The following PPP2R1B variants were observed in gnomAD, a reference collection of about 807,000 sequenced individuals.
PPP2R1B encodes serine/threonine-protein phosphatase 2A 65 kDa regulatory subunit A beta isoform.
In PPP2R1B, 58 loss-of-function variants were observed where a neutral mutation model predicts 72.7. The ratio of observed to expected loss-of-function variants is 0.80; its 90% CI spans 0.65 to 0.99. The LOEUF is 0.99. Among genes scored for constraint, PPP2R1B ranks in the 50% least tolerant of loss-of-function variants. The probability of loss-of-function intolerance (pLI) is 0.00; values close to 1 mark genes in which losing one functional copy is unlikely to be tolerated. For synonymous variants in PPP2R1B, 256 were observed against 264.6 expected (o/e 0.97, Z 0.32); for missense variants, 695 against 733.6 (o/e 0.95, Z 0.61).
the PPP2R1B span, chr11:111,721,896 C>A: frequency 6.2e-7 from 1 of 1,612,006 alleles, no homozygotes; most frequent in Non-Finnish European, 8.5e-7. Context: ...CCAGCTGTCC[C>A]CACGGCAGAG....
chr11:111,747,434 C>T (rs555880831), intron 11 of PPP2R1B, among the ~76,000 whole-genome samples: 1 of 152,348 alleles, frequency 6.6e-6, no homozygotes, highest in East Asian at 1.9e-4. Context: ...GCCTTCCTTT[C>T]ACCCAAACCA....
chr11:111,762,978 C>T (rs1852099787), intron 3 of PPP2R1B, among the ~76,000 whole-genome samples: 1 of 152,158 alleles, frequency 6.6e-6, no homozygotes, highest in African/African-American at 2.4e-5. Flanking sequence ...ACTCTAGTGG[C>T]ATTTACATTC....
At chr11:111,719,394 T>TA in the PPP2R1B span, among the ~76,000 whole-genome samples, 5,946 of 112,486 alleles carry the variant, frequency 0.053, 225 homozygotes, top group Non-Finnish European at 0.077. Context: ...GCCAAGTAGT[T>TA]AAAAAAAAAA....
At chr11:111,719,180 C>A in the PPP2R1B span, among the ~76,000 whole-genome samples, 2 of 152,140 alleles carry the variant, frequency 1.3e-5, no homozygotes, top group Admixed American at 6.5e-5. Flanking sequence ...TTTTTCAATC[C>A]TTTTTGTGGT....
the PPP2R1B span, among the ~76,000 whole-genome samples, chr11:111,695,455 T>C: frequency 6.6e-6 from 1 of 152,234 alleles, no homozygotes; most frequent in Non-Finnish European, 1.5e-5. Context: ...ACGATTTTCT[T>C]ATTTAATCTC....
At chr11:111,688,307 A>T in the PPP2R1B span, 1 of 783,308 alleles carries the variant, frequency 1.3e-6, no homozygotes, top group Non-Finnish European at 2.0e-6. This position sits in a 1 kb window ranked among gnomAD's most constrained non-coding sequence, Gnocchi z 4.2. Context: ...TCATTTCCTT[A>T]GTTCTGTGTG....
At chr11:111,689,591 AAAG>A in the PPP2R1B span, among the ~76,000 whole-genome samples, 1 of 152,198 alleles carries the variant, frequency 6.6e-6, no homozygotes. Flanking sequence ...TAAGATTGTT[AAAG>A]AAGAGCAGGG....
chr11:111,737,751 G>A, downstream of PPP2R1B: 7 of 1,332,656 alleles, frequency 5.3e-6, no homozygotes, highest in Non-Finnish European at 9.9e-7. Flanking sequence ...GTCGTGCTGA[G>A]GTGCCTTTCC....
the PPP2R1B span, among the ~76,000 whole-genome samples, chr11:111,710,095 TTTGA>T: frequency 5.9e-5 from 9 of 152,348 alleles, no homozygotes; most frequent in Admixed American, 5.2e-4. Flanking sequence ...AGTTTTATCC[TTTGA>T]TTGAAAAGCT....
In PPP2R1B at chr11:111,738,282, T is replaced by C. The variant is rs1189896253; in HGVS notation, c.*3314A>G. On this transcript the variant is annotated 3_prime_UTR_variant, in exon 15 of 15. Coordinates refer to ENST00000527614, the MANE Select transcript of PPP2R1B (RefSeq NM_002716.5). ...AATAAGAAGCTTTACGATAAGAGTG[T>C]CACCATTTTTAAAAGTCAGAGGAAT... is the stretch of plus-strand genomic sequence containing the variant. 4 of 985,308 alleles carry C rather than the reference T, an allele frequency of 4.1e-6. No individual in the cohort carries two copies. The highest frequency in any genetic ancestry group is 4.8e-6 in the Non-Finnish European group (4 of 829,986). The allele number at this position is 985,308 out of a possible 1,614,324, so 61.0% of individuals were successfully genotyped here. A position where few individuals can be genotyped will look rare whatever the true frequency, so the allele number is the denominator to read the frequency against.
intron 11 of PPP2R1B, among the ~76,000 whole-genome samples, chr11:111,747,080 C>G (rs972797057): frequency 6.6e-6 from 1 of 152,134 alleles, no homozygotes; most frequent in Non-Finnish European, 1.5e-5. Context: ...ATACATATAT[C>G]AAGTATATAA....
At position 111,739,753 on chromosome 11, in the gene PPP2R1B, A is replaced by T. The variant is rs968997383; in HGVS notation, c.*1843T>A. The stretch of plus-strand genomic sequence containing the variant: ...TGAAGAAGAACATAACTTGCAGGTA[A>T]CAAAAAATAAAGACTCATGAAACTA... On this transcript the variant is annotated 3_prime_UTR_variant, in exon 15 of 15. Transcript: ENST00000527614. 3.1e-6 allele frequency: 3 copies of T among 979,332 alleles called. No individual in the cohort carries two copies. In the African/African-American group the frequency reaches 5.3e-5, roughly 17 times the overall value. The allele number at this position is 979,332 out of a possible 1,614,324, so 60.7% of individuals were successfully genotyped here.
rs1591676296 is a variant in PPP2R1B at position 111,740,964 on chromosome 11, A to G, written c.*632T>C. ...CACATTAGCAGCAAGATGCAGCCAC[A>G]CTTCAGGTTTCTGAATGACATGAGT... On this transcript the variant is annotated 3_prime_UTR_variant, in exon 15 of 15. Transcript: ENST00000527614. 2 of 985,408 alleles carry G rather than the reference A, an allele frequency of 2.0e-6. No individual in the cohort carries two copies. The highest frequency in any genetic ancestry group is 1.7e-5 in the African/African-American group (1 of 57,246). 61.0% of individuals were successfully genotyped at this position (985,408 alleles called of 1,614,324 possible). A position where few individuals can be genotyped will look rare whatever the true frequency, so the allele number is the denominator to read the frequency against.
chr11:111,765,287 C>G lies in PPP2R1B; in HGVS notation c.205+7G>C. 1 of 1,602,264 alleles carries G rather than the reference C, an allele frequency of 6.2e-7. No homozygotes were observed. Among genetic ancestry groups the G allele is most frequent in the Non-Finnish European group, 8.5e-7 (1 of 1,170,208 alleles). On this transcript the variant is annotated splice_region_variant and intron_variant, in intron 2 of 14. Transcript: ENST00000527614. ...CCCTACCTTTCTTTAAACAAAGATTCACATACCTGTAAGAAATGGCAACAA... is the reference window on the plus strand; with the variant it reads ...CCCTACCTTTCTTTAAACAAAGATTGACATACCTGTAAGAAATGGCAACAA...
At chr11:111,761,972 G>A (rs1305698851) in intron 3 of PPP2R1B, among the ~76,000 whole-genome samples, 2 of 152,112 alleles carry the variant, frequency 1.3e-5, no homozygotes, top group Non-Finnish European at 2.9e-5. Context: ...AAAAAAAAAG[G>A]TAAAGTACAG....
At chr11:111,690,503 T>C in the PPP2R1B span, among the ~76,000 whole-genome samples, 1 of 152,228 alleles carries the variant, frequency 6.6e-6, no homozygotes, top group East Asian at 1.9e-4. Context: ...GCAGCTTTGT[T>C]ACGTAGGTAT....
At chr11:111,755,525 T>C in intron 5 of PPP2R1B, 75 bp from the exon 6 acceptor site, 1 of 1,384,174 alleles carries the variant, frequency 7.2e-7, no homozygotes, top group East Asian at 2.5e-5. Flanking sequence ...GGTGCAGGTG[T>C]TTAAAAAAAT....
intron 3 of PPP2R1B, among the ~76,000 whole-genome samples, chr11:111,762,663 A>G (rs575910390): frequency 1.3e-5 from 2 of 150,786 alleles, no homozygotes; most frequent in African/African-American, 4.9e-5. Context: ...CTTCTGCCTC[A>G]GCGTCCCGAA....
At chr11:111,698,057 G>T in the PPP2R1B span, among the ~76,000 whole-genome samples, 1 of 152,130 alleles carries the variant, frequency 6.6e-6, no homozygotes, top group Non-Finnish European at 1.5e-5. Context: ...CAAGGTTATA[G>T]AAGACCTCAG....
Sources: gnomAD v4.1 joint callset for allele counts (sites outside exome capture counted in the v4.1 genomes callset) on GRCh38, gnomAD v4.1.1 for gene constraint, Gnocchi (gnomAD v3.1) non-coding constraint, MANE v1.5 for transcripts, NCBI Gene and HGNC (gene_info 2026-07-23, HGNC 2026-07-21) for gene names.